CDKL4: variants seen among roughly 807,000 people sequenced by gnomAD.
The protein encoded by CDKL4 is cyclin-dependent kinase-like 4.
A neutral mutation model predicts 42.0 loss-of-function variants in CDKL4; 44 were observed. The observed-to-expected ratio is 1.05, with a 90% CI of 0.82 to 1.35. CDKL4 has a LOEUF of 1.35. CDKL4 is among the 40% of genes most tolerant of loss of function. The pLI, the probability that CDKL4 is intolerant of heterozygous loss-of-function variation, is 0.00. For synonymous variants in CDKL4, 120 were observed against 121.6 expected (o/e 0.99, Z 0.09); for missense variants, 393 against 369.9 (o/e 1.06, Z -0.51).
chr2:39,210,505 C>G (rs1012273204), intron 4 of CDKL4, among the ~76,000 whole-genome samples: 1 of 152,146 alleles, frequency 6.6e-6, no homozygotes, highest in African/African-American at 2.4e-5. Context: ...CCACCCATCC[C>G]TCCATCCAGT....
At chr2:39,236,233 T>A in intron 1 of CDKL4, among the ~76,000 whole-genome samples, 1 of 142,288 alleles carries the variant, frequency 7.0e-6, no homozygotes, top group South Asian at 2.2e-4. Context: ...GAAGAAAGAA[T>A]CAGTAAAATA....
downstream of CDKL4, among the ~76,000 whole-genome samples, chr2:39,174,758 T>C (rs1475236879): frequency 6.6e-6 from 1 of 152,250 alleles, no homozygotes; most frequent in Admixed American, 6.5e-5. Flanking sequence ...GATAGCCCTA[T>C]GCTATTATTT....
At chr2:39,208,767 T>C (rs924566308) in intron 4 of CDKL4, among the ~76,000 whole-genome samples, 2 of 150,018 alleles carry the variant, frequency 1.3e-5, no homozygotes, top group African/African-American at 4.9e-5. Flanking sequence ...ATTTTAAAAC[T>C]GACTTTTAAC....
intron 1 of CDKL4, among the ~76,000 whole-genome samples, chr2:39,243,077 G>A (rs936602429): frequency 7.4e-6 from 1 of 135,094 alleles, no homozygotes; most frequent in East Asian, 2.2e-4. Context: ...TGGCGCCACC[G>A]CCCCCAAGCC....
At chr2:39,213,846 C>A (rs1572995882) in intron 3 of CDKL4, among the ~76,000 whole-genome samples, 1 of 152,152 alleles carries the variant, frequency 6.6e-6, no homozygotes, top group East Asian at 1.9e-4. Flanking sequence ...TGGCTCTCTT[C>A]AGGCATCTCT....
At chr2:39,185,341 T>C (rs1370166394) in intron 7 of CDKL4, among the ~76,000 whole-genome samples, 1 of 94,868 alleles carries the variant, frequency 1.1e-5, no homozygotes, top group Non-Finnish European at 2.1e-5. Context: ...TATGTATATA[T>C]ATACACATAT....
At chr2:39,232,461 G>C (rs926362138) in intron 1 of CDKL4, among the ~76,000 whole-genome samples, 1 of 152,160 alleles carries the variant, frequency 6.6e-6, no homozygotes, top group Non-Finnish European at 1.5e-5. Context: ...TACATGAATG[G>C]ACAGAATCAT....
intron 8 of CDKL4, among the ~76,000 whole-genome samples, chr2:39,183,421 A>G (rs1462892215): frequency 6.6e-6 from 1 of 152,196 alleles, no homozygotes; most frequent in Non-Finnish European, 1.5e-5. Context: ...TTATGGGTCT[A>G]AATAAAATAG....
chr2:39,174,595 T>C (rs140509258), downstream of CDKL4, among the ~76,000 whole-genome samples: 542 of 152,308 alleles, frequency 3.6e-3, 1 homozygote, highest in Non-Finnish European at 5.8e-3. Flanking sequence ...CTCTTGGTGC[T>C]GGACATAGAA....
At chr2:39,242,108 C>T (rs1201011620) in intron 1 of CDKL4, among the ~76,000 whole-genome samples, 2 of 151,302 alleles carry the variant, frequency 1.3e-5, no homozygotes, top group East Asian at 1.9e-4. Context: ...TGCAGTGGCA[C>T]GATCAGGGCT....
downstream of CDKL4, among the ~76,000 whole-genome samples, chr2:39,174,453 T>A (rs963851536): frequency 4.0e-5 from 6 of 151,814 alleles, no homozygotes; most frequent in African/African-American, 1.5e-4. Flanking sequence ...GATGTCATAA[T>A]TCCTTATTAA....
chr2:39,234,846 G>T (rs954728234), intron 1 of CDKL4, among the ~76,000 whole-genome samples: 1 of 151,878 alleles, frequency 6.6e-6, no homozygotes, highest in Admixed American at 6.6e-5. Flanking sequence ...ATTCAGCCAA[G>T]GTGTGTCCTT....
At chr2:39,179,293 C>A in exon 9 of CDKL4, 1 of 1,608,102 alleles carries the variant, frequency 6.2e-7, no homozygotes, top group Non-Finnish European at 8.5e-7. Context: ...ACAGGTTAAT[C>A]TGTCATCTGG....
rs1675897136 is a variant in CDKL4, at chr2:39,187,536, C to T, written c.735+91G>A. On this transcript the variant is annotated intron_variant, in intron 7 of 9. Coordinates refer to ENST00000451199, the Ensembl canonical transcript of CDKL4. ...CTCCAGCCTTGGTGACAGAGTGAGA[C>T]ATCATCTCAAAATAAATAAATAAAT... 4.5e-6 allele frequency: 4 copies of T among 897,476 alleles called. No homozygotes were observed. In the East Asian group the frequency reaches 1.1e-4, roughly 24 times the overall value. The allele number at this position is 897,476 out of a possible 1,614,324, so 55.6% of individuals were successfully genotyped here. A position where few individuals can be genotyped will look rare whatever the true frequency, so the allele number is the denominator to read the frequency against.
intron 2 of CDKL4, among the ~76,000 whole-genome samples, chr2:39,228,320 T>A (rs1678885978): frequency 6.6e-6 from 1 of 152,148 alleles, no homozygotes; most frequent in African/African-American, 2.4e-5. Context: ...TTTTTTATCA[T>A]GATGGATGTG....
intron 1 of CDKL4, among the ~76,000 whole-genome samples, chr2:39,240,883 T>C (rs955059187): frequency 6.6e-6 from 1 of 152,182 alleles, no homozygotes; most frequent in East Asian, 1.9e-4. Context: ...GAGTTAACAA[T>C]AGACATGGCC....
intron 4 of CDKL4, among the ~76,000 whole-genome samples, chr2:39,212,382 C>T (rs1044069108): frequency 1.7e-4 from 26 of 151,856 alleles, no homozygotes; most frequent in East Asian, 7.8e-4. Context: ...TACAAGCACC[C>T]GCCACCATGC....
intron 3 of CDKL4, among the ~76,000 whole-genome samples, chr2:39,220,601 T>G (rs1456041575): frequency 1.3e-5 from 2 of 152,128 alleles, no homozygotes; most frequent in Admixed American, 1.3e-4. Flanking sequence ...TTTTTTCTTT[T>G]TTTTGAGATG....
intron 7 of CDKL4, among the ~76,000 whole-genome samples, chr2:39,185,162 A>G (rs1309304189): frequency 1.5e-5 from 2 of 134,224 alleles, no homozygotes; most frequent in East Asian, 2.2e-4. Context: ...ATATATACAC[A>G]TATGTATATA....
Sources: allele counts gnomAD v4.1 joint callset (sites outside exome capture counted in the v4.1 genomes callset), GRCh38; gene constraint gnomAD v4.1.1; transcripts MANE v1.5; gene names NCBI Gene and HGNC (gene_info 2026-07-23, HGNC 2026-07-21).